ARID5B: variants seen among roughly 807,000 people sequenced by gnomAD.
The protein encoded by ARID5B is AT-rich interaction domain 5B.
A neutral mutation model predicts 97.2 loss-of-function variants in ARID5B; 13 were observed. The ratio of observed to expected loss-of-function variants is 0.13; its 90% CI spans 0.09 to 0.21. The LOEUF is 0.21. Ranked by LOEUF, ARID5B falls within the 10% of genes least tolerant of loss-of-function variation. ARID5B has a pLI of 1.00. For synonymous variants in ARID5B, 556 were observed against 570.3 expected (o/e 0.97, Z 0.36); for missense variants, 1,210 against 1,465.3 (o/e 0.83, Z 2.84).
chr10:61,978,368 TTAAAG>T (rs991541673), intron 3 of ARID5B, among the ~76,000 whole-genome samples: 2 of 152,202 alleles, frequency 1.3e-5, no homozygotes, highest in African/African-American at 4.8e-5. Flanking sequence ...CATGTGAACT[TTAAAG>T]TAGTTTTTTC....
intron 9 of ARID5B, 21 bp downstream of exon 9, chr10:62,085,921 G>A: frequency 6.2e-7 from 1 of 1,602,364 alleles, no homozygotes; most frequent in Middle Eastern, 1.7e-4. Context: ...TTGCTCCATA[G>A]AAATACCTCT....
At position 62,090,936 on chromosome 10, in the gene ARID5B, A is replaced by C. The variant is rs746805630; in HGVS notation, c.1473A>C (p.Ala491=). The C allele has an allele frequency of 1.2e-6, 2 of 1,613,964 alleles. No individual in the cohort carries two copies. Among genetic ancestry groups the C allele is most frequent in the African/African-American group, 2.7e-5 (2 of 74,934 alleles). ...GCATCCCTGAGCCTCTCCCAGCAGC[A>C]GACATGAAGAAAAAAATAGAAGGGT... The part of the protein sequence containing the change: ...QKSIPEPLPA[A]DMKKKIEGYQ... Residue 491 remains alanine (A), a synonymous_variant, in exon 10 of 10, where the codon GCA becomes GCC. Transcript: ENST00000279873.
rs1262932042 is a variant in ARID5B, at chr10:62,057,283, C to A, written c.1013C>A (p.Pro338Gln). Residue 338 changes from proline (P) to glutamine (Q), a missense_variant, in exon 6 of 10, where the codon CCG becomes CAG. Around this residue, in one of 8 missense-constraint regions of ARID5B, gnomAD observed 59 missense variants for 156.7 expected, o/e 0.38. Transcript: ENST00000279873. ...LYKYMKERKT[P>Q]IERIPYLGFK... ...AAATACATGAAAGAAAGGAAAACGC[C>A]GATAGAACGAATACCCTATTTAGGT... is the stretch of plus-strand genomic sequence containing the variant. 1 of 1,613,348 alleles carries A rather than the reference C, an allele frequency of 6.2e-7. No homozygotes were observed. Among genetic ancestry groups the A allele is most frequent in the Non-Finnish European group, 8.5e-7 (1 of 1,179,660 alleles).
chr10:61,935,121 C>T (rs939491653), intron 2 of ARID5B, among the ~76,000 whole-genome samples: 2 of 151,860 alleles, frequency 1.3e-5, no homozygotes, highest in Non-Finnish European at 2.9e-5. Flanking sequence ...ACAAAGCGAG[C>T]ACCTCCTGTT....
At chr10:62,025,811 G>GAA (rs750842683) in intron 4 of ARID5B, among the ~76,000 whole-genome samples, 2,899 of 59,410 alleles carry the variant, frequency 0.049, 196 homozygotes, top group Admixed American at 0.24. Flanking sequence ...GAGTGGAAGC[G>GAA]AAAAAAAAAA....
intron 8 of ARID5B, among the ~76,000 whole-genome samples, chr10:62,076,609 TA>T (rs201254325): frequency 1.4e-5 from 2 of 147,884 alleles, no homozygotes; most frequent in African/African-American, 2.5e-5. Context: ...TTTATGTAAT[TA>T]AAAAAAATAA....
intron 2 of ARID5B, among the ~76,000 whole-genome samples, chr10:61,928,176 C>T (rs1204300731): frequency 6.6e-6 from 1 of 152,106 alleles, no homozygotes; most frequent in Non-Finnish European, 1.5e-5. Flanking sequence ...CCCTTTAGCC[C>T]AGGAGTGGTG....
chr10:61,989,159 G>A (rs923731756), intron 3 of ARID5B, among the ~76,000 whole-genome samples: 1 of 152,006 alleles, frequency 6.6e-6, no homozygotes, highest in African/African-American at 2.4e-5. Flanking sequence ...TCGATCTCCT[G>A]ATCTCAAGAT....
At chr10:61,986,618 CT>C (rs921793796) in intron 3 of ARID5B, among the ~76,000 whole-genome samples, 3 of 152,260 alleles carry the variant, frequency 2.0e-5, no homozygotes, top group South Asian at 2.1e-4. Flanking sequence ...ATCTTCCCCC[CT>C]GTGCATTAAA....
chr10:61,909,560 C>T (rs1398409661), intron 2 of ARID5B, among the ~76,000 whole-genome samples: 4 of 152,114 alleles, frequency 2.6e-5, no homozygotes, highest in Admixed American at 6.5e-5. Context: ...CTCCTGACCT[C>T]GTGATCCACC....
chr10:61,901,768 C>T (rs779328842), intron 1 of ARID5B, 38 bp downstream of exon 1: 1 of 1,602,220 alleles, frequency 6.2e-7, no homozygotes, highest in Non-Finnish European at 8.5e-7. Flanking sequence ...TCCCGGCACC[C>T]CCCGGCACCC....
intron 3 of ARID5B, among the ~76,000 whole-genome samples, chr10:61,997,880 G>A (rs1564623606): frequency 6.6e-6 from 1 of 152,170 alleles, no homozygotes; most frequent in African/African-American, 2.4e-5. Flanking sequence ...TAAAAAGCAC[G>A]GTTTTGAACC....
At chr10:62,049,348 TC>T (rs1839754322) in intron 4 of ARID5B, 1 of 1,536,112 alleles carries the variant, frequency 6.5e-7, no homozygotes, top group African/African-American at 1.4e-5. Context: ...GCGCTGAGCC[TC>T]GCAGCTCGCA....
chr10:62,051,971 T>C (rs1839796539), intron 5 of ARID5B, among the ~76,000 whole-genome samples: 1 of 152,200 alleles, frequency 6.6e-6, no homozygotes, highest in Non-Finnish European at 1.5e-5. Flanking sequence ...CTACTGTTTC[T>C]CTGCCATGTA....
intron 3 of ARID5B, among the ~76,000 whole-genome samples, chr10:61,958,030 T>G (rs1012905298): frequency 5.9e-5 from 9 of 152,144 alleles, no homozygotes; most frequent in African/African-American, 2.2e-4. Flanking sequence ...TTTCCTCTTT[T>G]AGATTGGAGG....
intron 8 of ARID5B, among the ~76,000 whole-genome samples, chr10:62,081,473 AGAT>A (rs1173689071): frequency 2.0e-4 from 31 of 152,374 alleles, no homozygotes; most frequent in African/African-American, 7.5e-4. Flanking sequence ...TTACTGGTTC[AGAT>A]GAGATTTGAC....
intron 2 of ARID5B, among the ~76,000 whole-genome samples, chr10:61,938,964 A>AGTGTGTGTGTGTGTGTGTGTGT (rs60329829): frequency 2.4e-5 from 3 of 125,152 alleles, no homozygotes; most frequent in East Asian, 2.4e-4. Context: ...GAATTGGAGA[A>AGTGTGTGTGTGTGTGTGTGTGT]GTGTGTGTGT....
Position 62,051,768 on chromosome 10 carries a change from T to G in ARID5B, c.846+768T>G, listed in dbSNP as rs1477874030. Among the ~76,000 whole-genome samples, 6 of 152,168 alleles carry G rather than the reference T, an allele frequency of 3.9e-5. No individual in the cohort carries two copies. The East Asian group carries it at 1.2e-3, about 29-fold the overall frequency. Reference sequence around the variant, plus strand: ...GATTTCCATGGTTCTGTTTACTGCATTTAGGTGTTATTTTTGTGCTAAAGA... The same window carrying G: ...GATTTCCATGGTTCTGTTTACTGCAGTTAGGTGTTATTTTTGTGCTAAAGA... On this transcript the variant is annotated intron_variant, in intron 5 of 9. Coordinates refer to ENST00000279873, the MANE Select transcript of ARID5B (RefSeq NM_032199.3).
In ARID5B at chr10:62,000,546, A is replaced by G. The variant is rs1447921578; in HGVS notation, c.733+225A>G. ...ATGATTATTTATAATTTGTTGTTCA[A>G]TGTAGAGTCTGAAGTTGCTTGGTCG... On this transcript the variant is annotated intron_variant, in intron 4 of 9. Transcript: ENST00000279873. This position sits in a 1 kb window ranked among gnomAD's most constrained non-coding sequence, Gnocchi z 4.4. Among the ~76,000 whole-genome samples, 2 of 152,034 alleles carry G rather than the reference A, an allele frequency of 1.3e-5. No homozygotes were observed. Among genetic ancestry groups the G allele is most frequent in the Admixed American group, 1.3e-4 (2 of 15,266 alleles).
Sources: gnomAD v4.1 joint callset for allele counts (sites outside exome capture counted in the v4.1 genomes callset) on GRCh38, gnomAD v4.1.1 for gene constraint, gnomAD v4.1.1 regional missense constraint, Gnocchi (gnomAD v3.1) non-coding constraint, MANE v1.5 for transcripts, NCBI Gene and HGNC (gene_info 2026-07-23, HGNC 2026-07-21) for gene names.